TTYH3: variants seen among roughly 807,000 people sequenced by gnomAD.
TTYH3 encodes the protein protein tweety homolog 3.
Under a neutral mutation model 68.2 loss-of-function variants are expected in TTYH3, and 23 were observed. The ratio of observed to expected loss-of-function variants is 0.34; its 90% confidence interval spans 0.24 to 0.48. The LOEUF (loss-of-function observed/expected upper bound fraction) is 0.48. Among genes scored for constraint, TTYH3 ranks in the 20% least tolerant of loss-of-function variants. TTYH3 has a pLI of 0.99. For synonymous variants in TTYH3, 360 were observed against 332.8 expected, an observed-to-expected ratio of 1.08 and a Z score of -0.89; for missense variants, 768 against 727.7, an observed-to-expected ratio of 1.06 and a Z score of -0.64.
chr7:2,649,746 C>T, intron 6 of TTYH3, 107 bp downstream of exon 6: 1 of 1,480,566 alleles, frequency 6.8e-7, no homozygotes, highest in Middle Eastern at 1.7e-4. Flanking sequence ...GGCACTGGGT[C>T]CCGAGAGCGG....
At chr7:2,652,729 G>T (rs1465872327) in intron 8 of TTYH3, 189 bp from the exon 9 acceptor site, 2 of 594,854 alleles carry the variant, frequency 3.4e-6, no homozygotes, top group South Asian at 4.1e-5. Flanking sequence ...ACCACCTCAG[G>T]GCTCTGTGGT....
chr7:2,652,555 C>T (rs971134579), intron 8 of TTYH3, among the ~76,000 whole-genome samples: 57 of 152,180 alleles, frequency 3.7e-4, no homozygotes, highest in African/African-American at 1.3e-3. Flanking sequence ...GTAGGGTAAC[C>T]GTGTTCAGGC....
chr7:2,658,992 G>A lies in TTYH3; in HGVS notation c.1477G>A (p.Gly493Arg). ...CCGCTGTGAGAACACCCCACTCATT[G>A]GGCGCGAGTCCCCGCCGCCCTCAGT... ...NPRCENTPLI[G>R]RESPPPSYTS... The change falls in exon 13 of 14, where the codon GGG becomes AGG. Residue 493 changes from glycine to arginine, a missense_variant. By Grantham distance (125) the Gly-to-Arg change is moderately radical. Transcript: ENST00000258796. 6.2e-7 allele frequency: 1 copy of A among 1,614,084 alleles called. No individual in the cohort carries two copies. Among genetic ancestry groups the A allele is most frequent in the Non-Finnish European group, 8.5e-7 (1 of 1,179,952 alleles).
chr7:2,632,117 G>C lies in TTYH3; in HGVS notation c.-39G>C, dbSNP rs1174608171. On this transcript the variant is annotated 5_prime_UTR_variant, in exon 1 of 14. Coordinates refer to ENST00000258796, the MANE Select transcript of TTYH3 (RefSeq NM_025250.3). ...CGCCCCGGGCCAGCAAGGGAGCCCC[G>C]CGCAGGCCGCGCGCATCCGGAGGCG... 1.5e-6 allele frequency: 2 copies of C among 1,320,418 alleles called. No homozygotes were observed. The highest frequency in any genetic ancestry group is 2.0e-5 in the South Asian group (1 of 50,482). 81.8% of individuals were successfully genotyped at this position (1,320,418 alleles called of 1,614,324 possible).
rs765169634 is a variant in TTYH3, at chr7:2,647,582, C to A, written c.570C>A (p.Asn190Lys). Residue 190 changes from asparagine to lysine, a missense_variant, in exon 4 of 14, where the codon AAC becomes AAA. Transcript: ENST00000258796. Reference sequence around the variant, plus strand: ...CGGCCGCCATCCCCTTTTGGAGGAACACGGCGGTGTCGCTGGAGGTGCTGG... The same window carrying A: ...CGGCCGCCATCCCCTTTTGGAGGAAAACGGCGGTGTCGCTGGAGGTGCTGG... ...GYTAAIPFWR[N>K]TAVSLEVLAE... 51 of 1,572,760 alleles carry A rather than the reference C, an allele frequency of 3.2e-5. No homozygotes were observed. In the South Asian group the frequency reaches 6.0e-4, roughly 18 times the overall value.
At chr7:2,648,284 G>A (rs554262265) in intron 5 of TTYH3, 279 of 532,288 alleles carry the variant, frequency 5.2e-4, no homozygotes, top group Non-Finnish European at 8.5e-4. Context: ...TTGATTTCCT[G>A]CAAGAGTCTG....
chr7:2,653,224 C>T (rs1476657410), intron 9 of TTYH3, among the ~76,000 whole-genome samples: 1 of 152,186 alleles, frequency 6.6e-6, no homozygotes, highest in Non-Finnish European at 1.5e-5. Context: ...CCCTTCCTCC[C>T]TCCTTCATTC....
At chr7:2,651,205 AG>A (rs1786166814) in intron 7 of TTYH3, among the ~76,000 whole-genome samples, 1 of 152,158 alleles carries the variant, frequency 6.6e-6, no homozygotes, top group South Asian at 2.1e-4. Context: ...AGGAAATAGA[AG>A]GCCTGTCCCT....
intron 5 of TTYH3, chr7:2,648,318 G>C (rs1401494240): frequency 2.2e-6 from 1 of 451,678 alleles, no homozygotes; most frequent in African/African-American, 2.0e-5. Context: ...TGTAGCCCAG[G>C]ACCTGAAGCA....
At chr7:2,646,133 G>A (rs1785974259) in intron 1 of TTYH3, among the ~76,000 whole-genome samples, 1 of 152,124 alleles carries the variant, frequency 6.6e-6, no homozygotes, top group South Asian at 2.1e-4. Context: ...TCCTGCCTCA[G>A]CCTCCTGAGT....
chr7:2,639,832 G>A (rs545291302), intron 1 of TTYH3, among the ~76,000 whole-genome samples: 140 of 152,300 alleles, frequency 9.2e-4, no homozygotes, highest in African/African-American at 3.3e-3. Context: ...GGCACGAGGG[G>A]CGGGGCAGGG....
chr7:2,651,029 G>T (rs1026330329), intron 7 of TTYH3, among the ~76,000 whole-genome samples: 1 of 151,994 alleles, frequency 6.6e-6, no homozygotes, highest in Non-Finnish European at 1.5e-5. Flanking sequence ...GTCTGGAGGT[G>T]GGGGGCAGGG....
Position 2,635,088 on chromosome 7 carries a change from G to A in TTYH3, c.123+2810G>A, listed in dbSNP as rs117870833. On this transcript the variant is annotated intron_variant, in intron 1 of 13. Coordinates refer to ENST00000258796, the MANE Select transcript of TTYH3 (RefSeq NM_025250.3). ...GTGCTGCCTGAGCATCTGAGTGAAT[G>A]GGGGGCTGTTGTTCACAGGAGGGAT... Among the ~76,000 whole-genome samples, 154 of 152,290 alleles carry A rather than the reference G, an allele frequency of 1.0e-3. 1 individual carries two copies. In the East Asian group the frequency reaches 0.013, roughly 12 times the overall value.
In TTYH3 at chr7:2,647,023, G is replaced by T; in HGVS notation, c.293+1G>T. The stretch of plus-strand genomic sequence containing the variant: ...TCATCATCGCCACGCTGGTGTGCAG[G>T]TGAGCGCGGTGGGGCGGGGACGGAG... On this transcript the variant is annotated splice_donor_variant, in intron 2 of 13. Coordinates refer to ENST00000258796, the MANE Select transcript of TTYH3 (RefSeq NM_025250.3). LOFTEE classifies it high-confidence loss of function. The T allele has an allele frequency of 6.4e-7, 1 of 1,554,874 alleles. No individual in the cohort carries two copies.
At chr7:2,643,022 C>A (rs1785891473) in intron 1 of TTYH3, among the ~76,000 whole-genome samples, 1 of 149,620 alleles carries the variant, frequency 6.7e-6, no homozygotes, top group Non-Finnish European at 1.5e-5. Flanking sequence ...GAGATCACAC[C>A]ACTGCACTCC....
chr7:2,652,365 G>A, intron 8 of TTYH3, 123 bp downstream of exon 8: 3 of 853,626 alleles, frequency 3.5e-6, no homozygotes, highest in Non-Finnish European at 5.7e-6. Flanking sequence ...ACTGGGGGAG[G>A]GAGCTGGACA....
chr7:2,635,936 G>T lies in TTYH3; in HGVS notation c.123+3658G>T, dbSNP rs925114710. Reference sequence around the variant, plus strand: ...TGAGGCAGAGAGAAGCTTGAGCCTCGGGGAGAGGCCTCAGCCCCACGTGCC... The same window carrying T: ...TGAGGCAGAGAGAAGCTTGAGCCTCTGGGAGAGGCCTCAGCCCCACGTGCC... On this transcript the variant is annotated intron_variant, in intron 1 of 13. Transcript: ENST00000258796. Among the ~76,000 whole-genome samples, 27 of 152,142 alleles carry T rather than the reference G, an allele frequency of 1.8e-4. 1 individual carries two copies. Among genetic ancestry groups the T allele is most frequent in the African/African-American group, 6.0e-4 (25 of 41,562 alleles).
intron 1 of TTYH3, among the ~76,000 whole-genome samples, chr7:2,639,038 C>T (rs1188969114): frequency 6.6e-6 from 1 of 152,150 alleles, no homozygotes; most frequent in Non-Finnish European, 1.5e-5. Context: ...GGGGTTCTCA[C>T]AGTGCTGGGG....
At chr7:2,649,791 C>T (rs949261080) in intron 6 of TTYH3, 122 bp from the exon 7 acceptor site, 3 of 1,422,814 alleles carry the variant, frequency 2.1e-6, no homozygotes, top group Non-Finnish European at 2.9e-6. Flanking sequence ...CACCTGTAAC[C>T]CCAGATTCAC....
Sources: allele counts gnomAD v4.1 joint callset (sites outside exome capture counted in the v4.1 genomes callset), GRCh38; gene constraint gnomAD v4.1.1; transcripts MANE v1.5; gene names NCBI Gene and HGNC (gene_info 2026-07-23, HGNC 2026-07-21).